The following LIPC variants were observed in gnomAD, a reference collection of about 807,000 sequenced individuals.
LIPC encodes the protein lipase C, hepatic type, also known as hepatic triacylglycerol lipase.
LIPC carries 44 observed loss-of-function variants against 50.7 expected under a neutral mutation model. That is an observed-to-expected ratio of 0.87 (90% CI 0.68 to 1.11). LIPC has a LOEUF of 1.11. Ranked by LOEUF, LIPC falls within the 50% of genes most tolerant of loss-of-function variation. LIPC has a pLI of 0.00. For synonymous variants in LIPC, 271 were observed against 256.4 expected (o/e 1.06, Z -0.54); for missense variants, 697 against 648.2 (o/e 1.08, Z -0.82).
At chr15:58,465,197 T>C (rs1484715137) in intron 1 of LIPC, among the ~76,000 whole-genome samples, 1 of 152,204 alleles carries the variant, frequency 6.6e-6, no homozygotes, top group Non-Finnish European at 1.5e-5. Context: ...CATCTGTCCA[T>C]GTCACCCCCC....
chr15:58,449,888 T>A (rs1893841385), intron 1 of LIPC, among the ~76,000 whole-genome samples: 2 of 152,172 alleles, frequency 1.3e-5, no homozygotes, highest in East Asian at 1.9e-4. Context: ...GACCTTTCTA[T>A]TCCACTCCAT....
At chr15:58,450,787 G>A (rs1419049023) in intron 1 of LIPC, among the ~76,000 whole-genome samples, 2 of 152,096 alleles carry the variant, frequency 1.3e-5, no homozygotes, top group African/African-American at 2.4e-5. Context: ...GTATTGATAA[G>A]AGCCCACCGT....
At chr15:58,502,901 G>T (rs1272345927) in intron 1 of LIPC, among the ~76,000 whole-genome samples, 1 of 148,714 alleles carries the variant, frequency 6.7e-6, no homozygotes. Context: ...GCAACTCTCA[G>T]CCTGTAGAGC....
chr15:58,547,223 G>A (rs1595941016), intron 5 of LIPC, among the ~76,000 whole-genome samples: 1 of 152,156 alleles, frequency 6.6e-6, no homozygotes. Flanking sequence ...AGGGTTCCTG[G>A]GGTAGTTCTC....
rs556576437 is a variant in LIPC at position 58,444,704 on chromosome 15, C to T, written c.88+12584C>T. ...AAGGCCCACCCCAGTGACCTTATTT[C>T]ACCCAAATCACCTCTTTAAAGACTC... On this transcript the variant is annotated intron_variant, in intron 1 of 8. Coordinates refer to ENST00000299022, the MANE Select transcript of LIPC (RefSeq NM_000236.3). 3.3e-5 allele frequency among the ~76,000 whole-genome samples: 5 copies of T among 152,320 alleles called. No homozygotes were observed. The East Asian group carries it at 9.7e-4, about 29-fold the overall frequency.
At chr15:58,551,524 T>C (rs74576231) in intron 6 of LIPC, among the ~76,000 whole-genome samples, 1,939 of 152,198 alleles carry the variant, frequency 0.013, 35 homozygotes, top group African/African-American at 0.043. Flanking sequence ...AAATAAAACA[T>C]TTCCATCGCC....
At position 58,545,811 on chromosome 15, in the gene LIPC, A is replaced by C. The variant is rs6083; in HGVS notation, c.644A>C (p.Asn215Thr). ...AATCGTCTTTCTCCAGATGATGCCA[A>C]TTTTGTGGATGCCATTCATACCTTT... The part of the protein sequence containing the change: ...PSNRLSPDDA[N>T]FVDAIHTFTR... Residue 215 changes from asparagine to threonine, a missense_variant, in exon 5 of 9, where the codon AAT becomes ACT. By Grantham distance (65) the Asn-to-Thr change is moderately conservative. Transcript: ENST00000299022. 1.2e-6 allele frequency: 2 copies of C among 1,613,950 alleles called. No individual in the cohort carries two copies. Among genetic ancestry groups the C allele is most frequent in the East Asian group, 2.2e-5 (1 of 44,858 alleles).
chr15:58,539,951 G>A (rs1223244681), intron 2 of LIPC, among the ~76,000 whole-genome samples: 3 of 152,136 alleles, frequency 2.0e-5, no homozygotes, highest in African/African-American at 7.2e-5. Context: ...CAGTGTCACC[G>A]GGAGTTCCCG....
At chr15:58,473,640 T>C (rs1384888543) in intron 1 of LIPC, 2 of 152,236 alleles carry the variant, frequency 1.3e-5, no homozygotes, top group Non-Finnish European at 2.9e-5. Flanking sequence ...CCTGTGTACT[T>C]ACTAGACGCC....
intron 7 of LIPC, among the ~76,000 whole-genome samples, chr15:58,562,179 C>T (rs773462540): frequency 1.1e-4 from 16 of 152,210 alleles, no homozygotes; most frequent in Non-Finnish European, 2.1e-4. Context: ...ACATGGCCAT[C>T]CTGGTCAGAC....
intron 6 of LIPC, 43 bp from the exon 7 acceptor site, chr15:58,560,821 G>A: frequency 1.2e-6 from 1 of 828,592 alleles, no homozygotes; most frequent in Non-Finnish European, 2.1e-6. Flanking sequence ...TAAAATCACT[G>A]CTTAAATTAT....
intron 1 of LIPC, chr15:58,435,872 T>A (rs1277233750): frequency 6.6e-6 from 1 of 152,062 alleles, no homozygotes; most frequent in African/African-American, 2.4e-5. Flanking sequence ...GATGGCGCCG[T>A]CGCACTCCAT....
At chr15:58,432,324 TAA>T (rs1893151722) in intron 1 of LIPC, 4 of 616,954 alleles carry the variant, frequency 6.5e-6, no homozygotes, top group Non-Finnish European at 8.6e-6. Flanking sequence ...ATCCTCGGAT[TAA>T]AAGTCTTCTA....
At chr15:58,553,244 C>G (rs763428311) in intron 6 of LIPC, among the ~76,000 whole-genome samples, 4 of 152,102 alleles carry the variant, frequency 2.6e-5, no homozygotes, top group African/African-American at 4.8e-5. Context: ...CAGTCCTGGC[C>G]GCACACACAC....
At chr15:58,471,936 G>A (rs1324959416) in intron 1 of LIPC, among the ~76,000 whole-genome samples, 1 of 152,042 alleles carries the variant, frequency 6.6e-6, no homozygotes, top group Non-Finnish European at 1.5e-5. Flanking sequence ...GGCCATAAAG[G>A]CATTAGCTCA....
At chr15:58,518,014 T>C (rs761850390) in intron 1 of LIPC, among the ~76,000 whole-genome samples, 7 of 152,184 alleles carry the variant, frequency 4.6e-5, no homozygotes, top group African/African-American at 1.7e-4. Flanking sequence ...TCTTACTATA[T>C]CAGAAAAGGG....
chr15:58,488,984 C>T (rs532688810), intron 1 of LIPC, among the ~76,000 whole-genome samples: 1 of 152,090 alleles, frequency 6.6e-6, no homozygotes, highest in East Asian at 1.9e-4. Flanking sequence ...CTTAATAAAG[C>T]TGTCTGTGAG....
At chr15:58,482,970 C>T (rs1364483264) in intron 1 of LIPC, among the ~76,000 whole-genome samples, 3 of 152,136 alleles carry the variant, frequency 2.0e-5, no homozygotes, top group South Asian at 2.1e-4. Flanking sequence ...AGCCTTATAG[C>T]GTCAGTCAGG....
chr15:58,513,009 T>C (rs1892378807), intron 1 of LIPC, among the ~76,000 whole-genome samples: 1 of 148,892 alleles, frequency 6.7e-6, no homozygotes, highest in Non-Finnish European at 1.5e-5. Flanking sequence ...CACAGAGGAA[T>C]ACAGAAAAGC....
Sources: gnomAD v4.1 joint callset for allele counts (sites outside exome capture counted in the v4.1 genomes callset) on GRCh38, gnomAD v4.1.1 for gene constraint, MANE v1.5 for transcripts, NCBI Gene and HGNC (gene_info 2026-07-23, HGNC 2026-07-21) for gene names.